Variants in YPEL2 observed in about 807,000 individuals in gnomAD.
YPEL2 encodes the protein yippee like 2.
A neutral mutation model predicts 19.1 loss-of-function variants in YPEL2; 2 were observed. That is an observed-to-expected ratio of 0.10 (90% CI 0.04 to 0.33). The LOEUF is 0.33. YPEL2 is among the 10% of genes least tolerant of loss of function. The pLI, the probability that YPEL2 is intolerant of heterozygous loss-of-function variation, is 1.00. For missense variants in YPEL2, 66 were observed against 140.7 expected (o/e 0.47, Z 2.68); for synonymous variants, 52 against 50.0 (o/e 1.04, Z -0.17).
Position 59,353,680 on chromosome 17 carries a change from A to G in YPEL2, c.117+154A>G, listed in dbSNP as rs1165454252. 1.4e-6 allele frequency: 1 copy of G among 705,674 alleles called. No individual in the cohort carries two copies. Among genetic ancestry groups the G allele is most frequent in the South Asian group, 1.4e-5 (1 of 69,222 alleles). The allele number at this position is 705,674 out of a possible 1,614,324, so 43.7% of individuals were successfully genotyped here. On this transcript the variant is annotated intron_variant, in intron 2 of 4. Transcript: ENST00000312655. The surrounding 1 kb of genome is among the most constrained non-coding windows in gnomAD (Gnocchi z 4.8). ...TGACCGTCTCACTCAACTGAGAAAA[A>G]CTCTGAGTTGGAGGGACAGAGTAGT... is the stretch of plus-strand genomic sequence containing the variant.
At chr17:59,349,358 C>CTTTTTTT (rs58304283) in intron 1 of YPEL2, among the ~76,000 whole-genome samples, 127 of 119,236 alleles carry the variant, frequency 1.1e-3, no homozygotes, top group Middle Eastern at 5.1e-3. Context: ...CCTTTTTTTT[C>CTTTTTTT]TTTTTTTTTT....
At position 59,339,827 on chromosome 17, in the gene YPEL2, A is replaced by G. The variant is rs576687148; in HGVS notation, c.-196+8003A>G. On this transcript the variant is annotated intron_variant, in intron 1 of 4. Coordinates refer to ENST00000312655, the MANE Select transcript of YPEL2 (RefSeq NM_001005404.4). The stretch of plus-strand genomic sequence containing the variant: ...GTCTCCCTGGGTTGTTGTGAGGATT[A>G]ATTGAGATATGACCCCTCATAGACG... Among the ~76,000 whole-genome samples, 6 of 152,228 alleles carry G rather than the reference A, an allele frequency of 3.9e-5. No homozygotes were observed. In the South Asian group the frequency reaches 8.3e-4, roughly 21 times the overall value.
chr17:59,339,606 C>CT (rs1340235406), intron 1 of YPEL2, among the ~76,000 whole-genome samples: 2 of 152,122 alleles, frequency 1.3e-5, no homozygotes, highest in Non-Finnish European at 2.9e-5. Flanking sequence ...TCCCATTCTG[C>CT]TTGAAGCTCT....
intron 2 of YPEL2, chr17:59,355,439 A>G (rs573119526): frequency 6.6e-6 from 1 of 152,352 alleles, no homozygotes; most frequent in South Asian, 2.1e-4. Context: ...ACAATTTGGC[A>G]GAGTCTGGCT....
intron 2 of YPEL2, among the ~76,000 whole-genome samples, chr17:59,380,057 C>T (rs1025185120): frequency 7.3e-5 from 11 of 150,468 alleles, no homozygotes; most frequent in South Asian, 6.3e-4. Context: ...GACTGGGTTT[C>T]GTCATGTTGG....
intron 1 of YPEL2, among the ~76,000 whole-genome samples, chr17:59,334,654 C>T (rs1258816081): frequency 6.6e-6 from 1 of 151,732 alleles, no homozygotes; most frequent in Admixed American, 6.6e-5. Flanking sequence ...GTTATTGTGT[C>T]CAGACATATT....
chr17:59,340,162 C>T (rs1485908250), intron 1 of YPEL2, among the ~76,000 whole-genome samples: 1 of 150,452 alleles, frequency 6.6e-6, no homozygotes, highest in Non-Finnish European at 1.5e-5. Flanking sequence ...AGCTGGAGTA[C>T]AATGGTGTGA....
At chr17:59,349,686 G>A (rs113872088) in intron 1 of YPEL2, among the ~76,000 whole-genome samples, 1,595 of 152,020 alleles carry the variant, frequency 0.01, 25 homozygotes, top group African/African-American at 0.036. Flanking sequence ...TTTTGAGACA[G>A]AATCTCGCAC....
At chr17:59,378,752 A>C (rs1007353609) in intron 2 of YPEL2, among the ~76,000 whole-genome samples, 1 of 152,094 alleles carries the variant, frequency 6.6e-6, no homozygotes, top group Admixed American at 6.5e-5. Flanking sequence ...ATGACTCCAC[A>C]CAGCAGATAT....
chr17:59,369,846 A>G (rs1302743258), intron 2 of YPEL2, among the ~76,000 whole-genome samples: 1 of 152,162 alleles, frequency 6.6e-6, no homozygotes, highest in Non-Finnish European at 1.5e-5. Flanking sequence ...CCTTCTTTTA[A>G]TTATCCTAAC....
intron 3 of YPEL2, chr17:59,388,964 T>A: frequency 4.1e-6 from 1 of 244,650 alleles, no homozygotes; most frequent in East Asian, 9.0e-5. Flanking sequence ...AGGACCACAC[T>A]GTGCTATCAT....
intron 2 of YPEL2, among the ~76,000 whole-genome samples, chr17:59,362,407 A>C (rs2047845741): frequency 1.3e-5 from 2 of 152,144 alleles, no homozygotes; most frequent in South Asian, 4.2e-4. Context: ...ATCTGGGCAC[A>C]CATAGAGTTG....
At chr17:59,394,587 C>T (rs1252902429) in intron 4 of YPEL2, among the ~76,000 whole-genome samples, 5 of 151,120 alleles carry the variant, frequency 3.3e-5, no homozygotes, top group South Asian at 2.1e-4. Context: ...TGGGCAGAGA[C>T]GCTCCTCACT....
intron 4 of YPEL2, among the ~76,000 whole-genome samples, chr17:59,393,062 T>C (rs1165185698): frequency 1.3e-5 from 2 of 152,222 alleles, no homozygotes; most frequent in African/African-American, 2.4e-5. Context: ...GTGTTTCTGT[T>C]GACACCAGGT....
chr17:59,346,007 CCT>C (rs1205227274), intron 1 of YPEL2, among the ~76,000 whole-genome samples: 1 of 152,208 alleles, frequency 6.6e-6, no homozygotes, highest in African/African-American at 2.4e-5. Flanking sequence ...CTGCTGCCCA[CCT>C]CTCTCATTGG....
chr17:59,353,183 C>G lies in YPEL2; in HGVS notation c.-195-32C>G, dbSNP rs967596248. The G allele has an allele frequency of 2.4e-6, 1 of 420,788 alleles. No individual in the cohort carries two copies. Among genetic ancestry groups the G allele is most frequent in the Non-Finnish European group, 4.2e-6 (1 of 235,618 alleles). The allele number at this position is 420,788 out of a possible 1,614,324, so 26.1% of individuals were successfully genotyped here. A position where few individuals can be genotyped will look rare whatever the true frequency, so the allele number is the denominator to read the frequency against. ...TTTGTAGGGAGCCCTGCTCCATCAGCCAATGTTAGTCCTCTTCCCTTGATG... is the reference window on the plus strand; with the variant it reads ...TTTGTAGGGAGCCCTGCTCCATCAGGCAATGTTAGTCCTCTTCCCTTGATG... On this transcript the variant is annotated intron_variant, in intron 1 of 4. Transcript: ENST00000312655. The surrounding 1 kb of genome is among the most constrained non-coding windows in gnomAD (Gnocchi z 4.8).
intron 2 of YPEL2, among the ~76,000 whole-genome samples, chr17:59,370,650 C>T (rs1348754485): frequency 1.3e-5 from 2 of 152,176 alleles, no homozygotes; most frequent in Non-Finnish European, 2.9e-5. Context: ...CTGTTCCTGG[C>T]GTCTTACACT....
At chr17:59,380,157 C>T (rs977454180) in intron 2 of YPEL2, among the ~76,000 whole-genome samples, 4 of 151,870 alleles carry the variant, frequency 2.6e-5, no homozygotes, top group African/African-American at 9.7e-5. Flanking sequence ...CAGGCTTCAG[C>T]CACCACGCTC....
chr17:59,370,571 C>T (rs1361982136), intron 2 of YPEL2, among the ~76,000 whole-genome samples: 1 of 152,144 alleles, frequency 6.6e-6, no homozygotes, highest in African/African-American at 2.4e-5. Flanking sequence ...AACAGAGGAA[C>T]CCAACACAAG....
Sources: allele counts gnomAD v4.1 joint callset (sites outside exome capture counted in the v4.1 genomes callset), GRCh38; gene constraint gnomAD v4.1.1; non-coding constraint Gnocchi (gnomAD v3.1); transcripts MANE v1.5; gene names NCBI Gene and HGNC (gene_info 2026-07-23, HGNC 2026-07-21).